Variants in DAB2IP observed in about 807,000 individuals in gnomAD.
DAB2IP encodes the protein DAB2 interacting protein, also known as disabled homolog 2-interacting protein.
A neutral mutation model predicts 107.2 loss-of-function variants in DAB2IP; 28 were observed. That is an observed-to-expected ratio of 0.26 (90% CI 0.19 to 0.36). The LOEUF (loss-of-function observed/expected upper bound fraction) is 0.36. Among genes scored for constraint, DAB2IP ranks in the 10% least tolerant of loss-of-function variants. The probability of loss-of-function intolerance (pLI) is 1.00; values close to 1 mark genes in which losing one functional copy is unlikely to be tolerated. For synonymous variants in DAB2IP, 755 were observed against 706.4 expected (o/e 1.07, Z -1.09); for missense variants, 1,400 against 1,644.7 (o/e 0.85, Z 2.57).
intron 12 of DAB2IP, 52 bp downstream of exon 12, chr9:121,773,547 C>T (rs1458418326): frequency 2.1e-6 from 3 of 1,411,320 alleles, no homozygotes; most frequent in Non-Finnish European, 1.8e-6. Context: ...CCAGCTGGGG[C>T]TGTCATACCC....
At chr9:121,759,949 C>T in exon 6 of DAB2IP, 2 of 1,614,142 alleles carry the variant, frequency 1.2e-6, no homozygotes, top group East Asian at 4.5e-5. Context: ...GACCTGCCAG[C>T]CAAGAAGAAG....
chr9:121,676,272 A>T (rs1483646714), intron 1 of DAB2IP, among the ~76,000 whole-genome samples: 1 of 152,202 alleles, frequency 6.6e-6, no homozygotes, highest in Admixed American at 6.5e-5. Context: ...GAAAGCACAC[A>T]GTGCCCCAGC....
intron 1 of DAB2IP, among the ~76,000 whole-genome samples, chr9:121,664,924 A>G (rs1297791391): frequency 6.6e-6 from 1 of 152,222 alleles, no homozygotes; most frequent in Non-Finnish European, 1.5e-5. Context: ...CATGTCCCCT[A>G]CAGGATCTTA....
rs1833680767 is a variant in DAB2IP at position 121,758,895 on chromosome 9, C to T, written c.517-3C>T. 5 of 1,612,588 alleles carry T rather than the reference C, an allele frequency of 3.1e-6. No individual in the cohort carries two copies. The highest frequency in any genetic ancestry group is 4.2e-6 in the Non-Finnish European group (5 of 1,179,576). ...ATAACACTGTCTTGCCTGCTCCCCA[C>T]AGGTGACGACGTCATCAGGAAGCAA... On this transcript the variant is annotated splice_polypyrimidine_tract_variant and splice_region_variant and intron_variant, in intron 4 of 15. Transcript: ENST00000408936.
rs1829860065 is a variant in DAB2IP at position 121,702,956 on chromosome 9, G to T, written c.362+3498G>T. 6.6e-6 allele frequency among the ~76,000 whole-genome samples: 1 copy of T among 152,156 alleles called. No individual in the cohort carries two copies. Among genetic ancestry groups the T allele is most frequent in the African/African-American group, 2.4e-5 (1 of 41,410 alleles). ...CATCAAGCTCTTCCCAGTCATCCTGGTGCGGAGCTTAGCTCATAAATGCAG... is the reference window on the plus strand; with the variant it reads ...CATCAAGCTCTTCCCAGTCATCCTGTTGCGGAGCTTAGCTCATAAATGCAG... On this transcript the variant is annotated intron_variant, in intron 3 of 15. Coordinates refer to ENST00000408936, the Ensembl canonical transcript of DAB2IP. The surrounding 1 kb of genome is among the most constrained non-coding windows in gnomAD (Gnocchi z 4.5).
At chr9:121,700,593 C>T (rs1433756628) in intron 3 of DAB2IP, among the ~76,000 whole-genome samples, 2 of 152,194 alleles carry the variant, frequency 1.3e-5, no homozygotes, top group African/African-American at 4.8e-5. Flanking sequence ...ATGAAAATGT[C>T]TCTCCCCTCC....
chr9:121,701,517 C>T lies in DAB2IP; in HGVS notation c.362+2059C>T, dbSNP rs76120922. Among the ~76,000 whole-genome samples the T allele has an allele frequency of 0.027, 4,055 of 152,240 alleles. 172 individuals are homozygous for T. Among genetic ancestry groups the T allele is most frequent in the African/African-American group, 0.088 (3,664 of 41,528 alleles). On this transcript the variant is annotated intron_variant, in intron 3 of 15. Coordinates refer to ENST00000408936, the Ensembl canonical transcript of DAB2IP. The surrounding 1 kb of genome is among the most constrained non-coding windows in gnomAD (Gnocchi z 4.7). ...TATAAACAAAATATGGCTTGGTGGC[C>T]TCTCTGGCACAGGAAGGGAGCCTAG... is the stretch of plus-strand genomic sequence containing the variant.
intron 3 of DAB2IP, among the ~76,000 whole-genome samples, chr9:121,710,211 A>G (rs1830273625): frequency 6.6e-6 from 1 of 152,224 alleles, no homozygotes; most frequent in African/African-American, 2.4e-5. Context: ...GTCGGACAGC[A>G]GGTGAGTGGC....
intron 11 of DAB2IP, 119 bp downstream of exon 11, chr9:121,770,843 A>C: frequency 7.4e-7 from 1 of 1,358,474 alleles, no homozygotes; most frequent in Admixed American, 2.4e-5. Context: ...CAAGCCTGGC[A>C]AGACTTGAGT....
At chr9:121,672,338 C>T (rs1437327001) in intron 1 of DAB2IP, among the ~76,000 whole-genome samples, 1 of 152,148 alleles carries the variant, frequency 6.6e-6, no homozygotes, top group Non-Finnish European at 1.5e-5. Context: ...GTATTAAGAT[C>T]TGGGCGATGC....
At chr9:121,637,217 C>T (rs1480182792) in intron 1 of DAB2IP, among the ~76,000 whole-genome samples, 1 of 152,194 alleles carries the variant, frequency 6.6e-6, no homozygotes, top group Non-Finnish European at 1.5e-5. Context: ...CACCTTTTCC[C>T]TCTGAAGGCT....
exon 11 of DAB2IP, chr9:121,770,603 C>T (rs1048808685): frequency 3.1e-6 from 5 of 1,614,078 alleles, no homozygotes; most frequent in Non-Finnish European, 4.2e-6. Flanking sequence ...CCACACAGCA[C>T]TGAGCACCCC....
chr9:121,715,483 G>C (rs1001134145), intron 3 of DAB2IP, among the ~76,000 whole-genome samples: 10 of 151,764 alleles, frequency 6.6e-5, no homozygotes, highest in African/African-American at 1.9e-4. Context: ...CTCCCGAGTA[G>C]CTGGGACTAC....
chr9:121,568,049 C>T (rs1414786752), intron 1 of DAB2IP, among the ~76,000 whole-genome samples: 2 of 152,108 alleles, frequency 1.3e-5, no homozygotes, highest in Admixed American at 1.3e-4. Flanking sequence ...AGGGAGAAGT[C>T]CTGTTGGCCT....
At chr9:121,728,135 C>T (rs953783272) in intron 3 of DAB2IP, among the ~76,000 whole-genome samples, 3 of 152,278 alleles carry the variant, frequency 2.0e-5, no homozygotes, top group Admixed American at 6.5e-5. Context: ...GCAAAAGCAG[C>T]GATCCCAGGG....
Position 121,760,500 on chromosome 9 carries a change from T to C in DAB2IP, c.1170+61T>C. 6.7e-7 allele frequency: 1 copy of C among 1,491,158 alleles called. No individual in the cohort carries two copies. The highest frequency in any genetic ancestry group is 8.9e-7 in the Non-Finnish European group (1 of 1,123,496). 92.4% of individuals were successfully genotyped at this position (1,491,158 alleles called of 1,614,324 possible). The stretch of plus-strand genomic sequence containing the variant: ...GGCGGCAGCACTGGGTTACCTGCCC[T>C]TCCTCACATCCGTACATTTCAGGCC... On this transcript the variant is annotated intron_variant, in intron 6 of 15. Transcript: ENST00000408936. The surrounding 1 kb of genome is among the most constrained non-coding windows in gnomAD (Gnocchi z 5.9).
chr9:121,766,859 T>C, intron 9 of DAB2IP, 129 bp downstream of exon 9: 2 of 857,864 alleles, frequency 2.3e-6, no homozygotes, highest in Non-Finnish European at 3.7e-6. Flanking sequence ...CCTGTCATCC[T>C]CAGTCCTTCT....
chr9:121,625,691 C>G (rs1831621001), intron 1 of DAB2IP, among the ~76,000 whole-genome samples: 1 of 147,656 alleles, frequency 6.8e-6, no homozygotes, highest in African/African-American at 2.5e-5. Context: ...CCCAATGATG[C>G]CAGTTCTGAA....
chr9:121,581,969 G>A (rs1237826256), intron 1 of DAB2IP, among the ~76,000 whole-genome samples: 1 of 152,234 alleles, frequency 6.6e-6, no homozygotes, highest in Admixed American at 6.5e-5. Flanking sequence ...GCAGGGCTGA[G>A]GGCCAAGCTG....
Sources: allele counts gnomAD v4.1 joint callset (sites outside exome capture counted in the v4.1 genomes callset), GRCh38; gene constraint gnomAD v4.1.1; non-coding constraint Gnocchi (gnomAD v3.1); transcripts MANE v1.5; gene names NCBI Gene and HGNC (gene_info 2026-07-23, HGNC 2026-07-21).